Variants in UBTD2 observed in about 807,000 individuals in gnomAD.
The protein encoded by UBTD2 is ubiquitin domain-containing protein 2.
Under a neutral mutation model 19.8 loss-of-function variants are expected in UBTD2, and 9 were observed. The observed-to-expected ratio is 0.46, with a 90% CI of 0.27 to 0.79. The LOEUF is 0.79. UBTD2 is among the 30% of genes least tolerant of loss of function. UBTD2 has a pLI of 0.14. For synonymous variants in UBTD2, 98 were observed against 103.9 expected, an observed-to-expected ratio of 0.94 and a Z score of 0.35; for missense variants, 250 against 300.4, an observed-to-expected ratio of 0.83 and a Z score of 1.24.
chr5:172,243,098 G>T (rs1421871214), intron 1 of UBTD2, among the ~76,000 whole-genome samples: 1 of 149,248 alleles, frequency 6.7e-6, no homozygotes, highest in African/African-American at 2.5e-5. Flanking sequence ...AAAGTGCTGG[G>T]ATTACAGGTG....
chr5:172,274,783 G>A (rs1755574551), intron 1 of UBTD2, among the ~76,000 whole-genome samples: 2 of 152,008 alleles, frequency 1.3e-5, no homozygotes, highest in African/African-American at 4.8e-5. Flanking sequence ...GCTCATGCCT[G>A]TAATCCCAGC....
intron 1 of UBTD2, among the ~76,000 whole-genome samples, chr5:172,276,737 G>A (rs1755611337): frequency 6.6e-6 from 1 of 151,842 alleles, no homozygotes. Flanking sequence ...GAAAGGGAAA[G>A]GGGGAGAGAA....
intron 1 of UBTD2, among the ~76,000 whole-genome samples, chr5:172,282,984 G>A (rs910318039): frequency 3.3e-5 from 5 of 152,148 alleles, no homozygotes; most frequent in Non-Finnish European, 5.9e-5. Context: ...GCTCTAGCTA[G>A]GAGCCACGTT....
chr5:172,279,008 C>A (rs1432681177), intron 1 of UBTD2, among the ~76,000 whole-genome samples: 1 of 152,176 alleles, frequency 6.6e-6, no homozygotes, highest in African/African-American at 2.4e-5. Context: ...GAACTCCTGA[C>A]CTCAAGTGCT....
At chr5:172,277,340 C>T (rs923498213) in intron 1 of UBTD2, among the ~76,000 whole-genome samples, 3 of 151,976 alleles carry the variant, frequency 2.0e-5, no homozygotes, top group Non-Finnish European at 2.9e-5. Context: ...TGAAAGGTTA[C>T]TTTATATTTA....
intron 1 of UBTD2, among the ~76,000 whole-genome samples, chr5:172,253,734 G>C (rs955599443): frequency 6.6e-6 from 1 of 152,000 alleles, no homozygotes; most frequent in African/African-American, 2.4e-5. Context: ...TTACAGGCAC[G>C]AGCCACTGTG....
In UBTD2 at chr5:172,210,503, G is replaced by C. The variant is rs1381009969; in HGVS notation, c.*1327C>G. The stretch of plus-strand genomic sequence containing the variant: ...TCCAAATTCAACCTAACTCTTGGCA[G>C]CTTTACTCCAGTCATAGTATAGAAG... On this transcript the variant is annotated 3_prime_UTR_variant, in exon 3 of 3. Transcript: ENST00000393792. 1.3e-5 allele frequency: 2 copies of C among 152,072 alleles called. No individual in the cohort carries two copies. The highest frequency in any genetic ancestry group is 2.4e-5 in the African/African-American group (1 of 41,392). The allele number at this position is 152,072 out of a possible 1,614,324, so 9.4% of individuals were successfully genotyped here.
intron 1 of UBTD2, among the ~76,000 whole-genome samples, chr5:172,245,050 T>C (rs970277933): frequency 6.6e-6 from 1 of 152,152 alleles, no homozygotes; most frequent in African/African-American, 2.4e-5. Context: ...CTTTTAAAAG[T>C]TCCTAGCAAT....
intron 2 of UBTD2, among the ~76,000 whole-genome samples, chr5:172,232,809 G>A (rs1290278763): frequency 6.6e-6 from 1 of 152,096 alleles, no homozygotes; most frequent in Non-Finnish European, 1.5e-5. Flanking sequence ...TCTTGAGCCT[G>A]GGAGGTCGAG....
At chr5:172,250,598 A>G (rs1276374250) in intron 1 of UBTD2, among the ~76,000 whole-genome samples, 1 of 152,200 alleles carries the variant, frequency 6.6e-6, no homozygotes, top group Admixed American at 6.5e-5. Context: ...ACAATGCATG[A>G]TCCTGGATAA....
intron 1 of UBTD2, among the ~76,000 whole-genome samples, chr5:172,279,105 A>T (rs1472646752): frequency 6.6e-6 from 1 of 152,222 alleles, no homozygotes; most frequent in Non-Finnish European, 1.5e-5. Context: ...AAAAAAGTAA[A>T]CTACGGAAAA....
intron 1 of UBTD2, among the ~76,000 whole-genome samples, chr5:172,261,071 G>A (rs1029756283): frequency 1.3e-5 from 2 of 152,128 alleles, no homozygotes; most frequent in Non-Finnish European, 2.9e-5. Context: ...ATCAGAAAAC[G>A]TACAAGCTAT....
intron 1 of UBTD2, among the ~76,000 whole-genome samples, chr5:172,249,401 GAAAAAAAAA>G (rs756803780): frequency 7.9e-5 from 5 of 63,306 alleles, no homozygotes; most frequent in South Asian, 5.9e-4. Flanking sequence ...TCCGTCTCAT[GAAAAAAAAA>G]AAAAAAAAAA....
At chr5:172,235,180 TGA>T (rs1412161394) in intron 1 of UBTD2, among the ~76,000 whole-genome samples, 1 of 152,144 alleles carries the variant, frequency 6.6e-6, no homozygotes, top group Admixed American at 6.5e-5. Flanking sequence ...GAGCAGGATA[TGA>T]GAGTCAAGAG....
In UBTD2 at chr5:172,281,854, T is replaced by C. The variant is rs148427307; in HGVS notation, c.70+1742A>G. On this transcript the variant is annotated intron_variant, in intron 1 of 2. Transcript: ENST00000393792. ...GACGTTTGGTGGTTAATGTTCCTTT[T>C]TCTAAACTTCATGTACAGCAGAGCT... is the stretch of plus-strand genomic sequence containing the variant. Among the ~76,000 whole-genome samples the C allele has an allele frequency of 6.7e-3, 1,024 of 152,320 alleles. 12 individuals carry two copies. Among genetic ancestry groups the C allele is most frequent in the African/African-American group, 0.022 (918 of 41,562 alleles).
At chr5:172,260,862 C>A (rs1755255543) in intron 1 of UBTD2, among the ~76,000 whole-genome samples, 1 of 152,166 alleles carries the variant, frequency 6.6e-6, no homozygotes, top group Non-Finnish European at 1.5e-5. Flanking sequence ...ATGAACTACT[C>A]CGATTCATTT....
Position 172,274,197 on chromosome 5 carries a change from G to A in UBTD2, c.70+9399C>T, listed in dbSNP as rs149880610. Among the ~76,000 whole-genome samples the A allele has an allele frequency of 5.3e-3, 770 of 144,174 alleles. 9 individuals are homozygous for A. The highest frequency in any genetic ancestry group is 0.019 in the African/African-American group (719 of 38,598). The allele number at this position is 144,174 out of a possible 152,430, so 94.6% of individuals were successfully genotyped here. ...GCTGTGTCGCCAGGCTTGGAGTGCA[G>A]TGGCACAATCTCGGCTCACTGCAAC... On this transcript the variant is annotated intron_variant, in intron 1 of 2. Transcript: ENST00000393792.
chr5:172,254,969 A>G (rs901251889), intron 1 of UBTD2: 1 of 563,784 alleles, frequency 1.8e-6, no homozygotes, highest in African/African-American at 1.9e-5. Flanking sequence ...ACTCATGTAC[A>G]TAAAGGGGAT....
At chr5:172,244,486 C>T (rs1225506292) in intron 1 of UBTD2, among the ~76,000 whole-genome samples, 2 of 150,682 alleles carry the variant, frequency 1.3e-5, no homozygotes, top group Non-Finnish European at 1.5e-5. Context: ...TTAGTAGAGA[C>T]GGGGTTTCTC....
Sources: gnomAD v4.1 joint callset for allele counts (sites outside exome capture counted in the v4.1 genomes callset) on GRCh38, gnomAD v4.1.1 for gene constraint, MANE v1.5 for transcripts, NCBI Gene and HGNC (gene_info 2026-07-23, HGNC 2026-07-21) for gene names.